The following NEMF variants were observed in gnomAD, a reference collection of about 807,000 sequenced individuals.
NEMF encodes nuclear export mediator factor.
NEMF carries 89 observed loss-of-function variants against 162.2 expected under a neutral mutation model. The observed-to-expected ratio is 0.55, with a 90% CI of 0.46 to 0.65. The LOEUF (loss-of-function observed/expected upper bound fraction) is 0.65, where lower values mean the gene tolerates loss of function less well. NEMF is among the 30% of genes least tolerant of loss of function. The pLI is 0.00. For missense variants in NEMF, 1,133 were observed against 1,261.9 expected (o/e 0.90, Z 1.55); for synonymous variants, 421 against 404.5 (o/e 1.04, Z -0.49).
intron 5 of NEMF, chr14:49,839,710 G>C (rs1158347670): frequency 6.6e-6 from 1 of 152,106 alleles, no homozygotes; most frequent in Admixed American, 6.5e-5. Context: ...CCAAAACTTA[G>C]CTAAAAAACA....
chr14:49,799,644 A>C lies in NEMF; in HGVS notation c.2407T>G (p.Ser803Ala), dbSNP rs1301620298. ...AACTGAAAATAGCTTACAGAATTAG[A>C]AGATTCCTCTTTTGAAGCCAATTTC... ...IQKLASKEES[S>A]NSSDSKSQSR... The change falls in exon 24 of 33, where the codon TCT becomes GCT. Residue 803 changes from serine (S) to alanine (A), a missense_variant. Ser to Ala is a moderately conservative substitution (Grantham distance 99, BLOSUM62 1). Around this residue, in one of 3 missense-constraint regions of NEMF, gnomAD observed 532 missense variants for 578.6 expected, o/e 0.92. Transcript: ENST00000298310. The C allele has an allele frequency of 6.2e-7, 1 of 1,612,270 alleles. No homozygotes were observed. The highest frequency in any genetic ancestry group is 8.5e-7 in the Non-Finnish European group (1 of 1,179,372).
chr14:49,835,344 A>AT (rs1381108540), intron 6 of NEMF, among the ~76,000 whole-genome samples: 7 of 152,332 alleles, frequency 4.6e-5, no homozygotes, highest in African/African-American at 1.7e-4. Context: ...TTATCCCTGG[A>AT]ATGCAAGGTT....
At chr14:49,791,139 T>G (rs375410128) in intron 26 of NEMF, among the ~76,000 whole-genome samples, 191 of 150,754 alleles carry the variant, frequency 1.3e-3, no homozygotes, top group African/African-American at 4.3e-3. Context: ...ATCGAGACCA[T>G]CCTGGCCAAC....
chr14:49,827,520 T>G (rs1021054594), intron 15 of NEMF, among the ~76,000 whole-genome samples: 10 of 151,978 alleles, frequency 6.6e-5, no homozygotes, highest in African/African-American at 2.4e-4. Flanking sequence ...ACAACGGGGC[T>G]AGGCATGGTG....
rs144993011 is a variant in NEMF, at chr14:49,829,209, G to A, written c.1077C>T (p.Asp359=). The A allele has an allele frequency of 3.5e-5, 57 of 1,614,114 alleles. 1 individual carries two copies. The African/African-American group carries it at 5.7e-4, about 16-fold the overall frequency. The change falls in exon 13 of 33, where the codon GAC becomes GAT. Residue 359 remains aspartate, a synonymous_variant. Transcript: ENST00000298310. ...CACTTCGAACTACCTGAATGGCTCT[G>A]TCAACTATTTGTAGGTTCATTTCTA... The part of the protein sequence containing the change: ...ELIEMNLQIV[D]RAIQVVRSAL...
chr14:49,790,894 G>A (rs1173222023), intron 26 of NEMF, among the ~76,000 whole-genome samples: 1 of 152,184 alleles, frequency 6.6e-6, no homozygotes, highest in Non-Finnish European at 1.5e-5. Flanking sequence ...TTGGGAGTCT[G>A]AGGTAGGAGA....
Position 49,783,954 on chromosome 14 carries a change from T to TATA in NEMF, c.*679_*681dup, listed in dbSNP as rs1158637486. 6 of 152,156 alleles carry TATA rather than the reference T, an allele frequency of 3.9e-5. No homozygotes were observed. The highest frequency in any genetic ancestry group is 7.2e-5 in the African/African-American group (3 of 41,440). 9.4% of individuals were successfully genotyped at this position (152,156 alleles called of 1,614,324 possible). On this transcript the variant is annotated 3_prime_UTR_variant, in exon 33 of 33. Transcript: ENST00000298310. ...ATATTTAAACCCCTTGTAGCTGGCC[T>TATA]ATAATATATATATATTAGATGTTAT...
intron 10 of NEMF, 87 bp downstream of exon 10, chr14:49,831,964 A>G (rs1248404705): frequency 2.5e-6 from 2 of 795,854 alleles, no homozygotes; most frequent in Non-Finnish European, 4.0e-6. Flanking sequence ...AAGCAAGTAT[A>G]GTTTCAGTTT....
intron 25 of NEMF, among the ~76,000 whole-genome samples, chr14:49,798,820 C>T (rs900394283): frequency 4.0e-5 from 6 of 151,536 alleles, no homozygotes; most frequent in African/African-American, 9.7e-5. Context: ...GGCAGGAGAA[C>T]GGCGTGAACC....
Position 49,848,564 on chromosome 14 carries a change from T to C in NEMF, c.232-2299A>G, listed in dbSNP as rs552004218. Among the ~76,000 whole-genome samples the C allele has an allele frequency of 2.6e-5, 4 of 152,216 alleles. No individual in the cohort carries two copies. In the East Asian group the frequency reaches 5.8e-4, roughly 22 times the overall value. On this transcript the variant is annotated intron_variant, in intron 3 of 32. Transcript: ENST00000298310. Reference sequence around the variant, plus strand: ...TCAAGACTCAAATACGGTCTGGGTATGGCAGCTCACGCCTGTAATCCCAGC... The same window carrying C: ...TCAAGACTCAAATACGGTCTGGGTACGGCAGCTCACGCCTGTAATCCCAGC...
At position 49,785,328 on chromosome 14, in the gene NEMF, G is replaced by A; in HGVS notation, c.2929-8C>T. ...AGAATCAAATAGGTTTTCCTAAAAA[G>A]GGAAAATAACAGTTACAAAGGCAAT... is the stretch of plus-strand genomic sequence containing the variant. On this transcript the variant is annotated splice_polypyrimidine_tract_variant and splice_region_variant and intron_variant, in intron 29 of 32. Transcript: ENST00000298310. The A allele has an allele frequency of 1.2e-6, 2 of 1,605,750 alleles. No homozygotes were observed. The highest frequency in any genetic ancestry group is 2.2e-5 in the East Asian group (1 of 44,782).
intron 23 of NEMF, 34 bp from the exon 24 acceptor site, chr14:49,799,712 C>T: frequency 6.4e-7 from 1 of 1,552,848 alleles, no homozygotes; most frequent in Middle Eastern, 1.7e-4. Flanking sequence ...TCTCTACTAG[C>T]CTGTAAAAGA....
Position 49,829,393 on chromosome 14 carries a change from G to T in NEMF, c.979C>A (p.Arg327=), listed in dbSNP as rs756145153. 1.2e-6 allele frequency: 2 copies of T among 1,613,988 alleles called. No homozygotes were observed. Among genetic ancestry groups the T allele is most frequent in the African/African-American group, 2.7e-5 (2 of 75,054 alleles). ...TCCAATCTGTTTTCGTGATCCTTTCGAACATTATCTAATTTCTTCAATGCT... is the reference window on the plus strand; with the variant it reads ...TCCAATCTGTTTTCGTGATCCTTTCTAACATTATCTAATTTCTTCAATGCT... ...KQALKKLDNV[R]KDHENRLEAL... The change falls in exon 12 of 33, where the codon CGA becomes AGA. Residue 327 remains arginine, a synonymous_variant. Coordinates refer to ENST00000298310, the MANE Select transcript of NEMF (RefSeq NM_004713.6).
chr14:49,836,987 A>G (rs781230350), intron 6 of NEMF, among the ~76,000 whole-genome samples: 1 of 152,286 alleles, frequency 6.6e-6, no homozygotes, highest in Admixed American at 6.5e-5. Flanking sequence ...AAAGTTTCAG[A>G]CTTCAGGCCA....
intron 16 of NEMF, among the ~76,000 whole-genome samples, chr14:49,823,789 TAAAATTTTG>T (rs1195977877): frequency 6.6e-6 from 1 of 152,186 alleles, no homozygotes; most frequent in Non-Finnish European, 1.5e-5. Context: ...ACCCCAATTG[TAAAATTTTG>T]AAAAATTTGG....
chr14:49,806,389 T>C (rs1891220187), intron 18 of NEMF, among the ~76,000 whole-genome samples: 1 of 147,480 alleles, frequency 6.8e-6, no homozygotes, highest in Non-Finnish European at 1.5e-5. Flanking sequence ...GCCTCCCGAG[T>C]AGCTGCAATT....
In NEMF at chr14:49,783,242, C is replaced by T. The variant is rs548235885; in HGVS notation, c.*1394G>A. The T allele has an allele frequency of 8.7e-6, 2 of 228,860 alleles. No individual in the cohort carries two copies. Among genetic ancestry groups the T allele is most frequent in the South Asian group, 3.0e-4 (2 of 6,596 alleles). 14.2% of individuals were successfully genotyped at this position (228,860 alleles called of 1,614,324 possible). A position where few individuals can be genotyped will look rare whatever the true frequency, so the allele number is the denominator to read the frequency against. On this transcript the variant is annotated 3_prime_UTR_variant, in exon 33 of 33. Coordinates refer to ENST00000298310, the MANE Select transcript of NEMF (RefSeq NM_004713.6). ...ACTTCAGGATATGTATCTGTAGAAACATTATAGTCTTACCATCATCAAAAT... is the reference window on the plus strand; with the variant it reads ...ACTTCAGGATATGTATCTGTAGAAATATTATAGTCTTACCATCATCAAAAT...
Position 49,805,580 on chromosome 14 carries a change from A to T in NEMF, c.1857+441T>A, listed in dbSNP as rs1401929174. ...GCAATTAATAAAAACAAGTGAATTT[A>T]AAAAAAAAAACAAACAGGATATGCC... is the stretch of plus-strand genomic sequence containing the variant. On this transcript the variant is annotated intron_variant, in intron 19 of 32. Coordinates refer to ENST00000298310, the MANE Select transcript of NEMF (RefSeq NM_004713.6). Among the ~76,000 whole-genome samples the T allele has an allele frequency of 8.1e-5, 12 of 147,928 alleles. No homozygotes were observed. The South Asian group carries it at 1.1e-3, about 13-fold the overall frequency.
intron 10 of NEMF, 75 bp downstream of exon 10, chr14:49,831,975 CT>C: frequency 1.1e-6 from 1 of 942,736 alleles, no homozygotes; most frequent in Non-Finnish European, 1.6e-6. Context: ...GTTTCAGTTT[CT>C]CAATAGAAGC....
Sources: gnomAD v4.1 joint callset for allele counts (sites outside exome capture counted in the v4.1 genomes callset) on GRCh38, gnomAD v4.1.1 for gene constraint, gnomAD v4.1.1 regional missense constraint, MANE v1.5 for transcripts, NCBI Gene and HGNC (gene_info 2026-07-23, HGNC 2026-07-21) for gene names.